ARFGEF3: variants seen among roughly 807,000 people sequenced by gnomAD.
ARFGEF3 encodes ARFGEF family member 3.
In ARFGEF3, 96 loss-of-function variants were observed where a neutral mutation model predicts 221.7. That is an observed-to-expected ratio of 0.43 (90% CI 0.37 to 0.51). The LOEUF (loss-of-function observed/expected upper bound fraction) is 0.51. ARFGEF3 is among the 20% of genes least tolerant of loss of function. The pLI is 0.00. For missense variants in ARFGEF3, 2,410 were observed against 2,789.9 expected (o/e 0.86, Z 3.07); for synonymous variants, 1,145 against 1,126.8 (o/e 1.02, Z -0.32).
intron 9 of ARFGEF3, 93 bp from the exon 10 acceptor site, chr6:138,255,343 C>A: frequency 1.1e-6 from 1 of 905,926 alleles, no homozygotes; most frequent in Non-Finnish European, 1.7e-6. Flanking sequence ...AAGAGCCGCA[C>A]TCTTGTCATT....
intron 20 of ARFGEF3, 56 bp downstream of exon 20, chr6:138,294,182 G>A (rs1779466081): frequency 1.9e-6 from 3 of 1,575,044 alleles, no homozygotes; most frequent in South Asian, 1.1e-5. Flanking sequence ...AACAGCCCAG[G>A]CCTCTATCAC....
At chr6:138,204,205 G>C (rs1436639420) in intron 2 of ARFGEF3, among the ~76,000 whole-genome samples, 1 of 151,750 alleles carries the variant, frequency 6.6e-6, no homozygotes, top group East Asian at 2.0e-4. Flanking sequence ...TGGGCATGGT[G>C]GTGGGCACCT....
chr6:138,262,052 A>T (rs541006751), intron 11 of ARFGEF3, among the ~76,000 whole-genome samples: 47 of 152,306 alleles, frequency 3.1e-4, no homozygotes, highest in African/African-American at 1.1e-3. Context: ...AACCATTATA[A>T]CTATTTTCTA....
In ARFGEF3 at chr6:138,278,440, G is replaced by T. The variant is rs750074554; in HGVS notation, c.2129-11G>T. ...TCACACCCCCAAAAGTCCCTTCATT[G>T]TCTCCCTTAGGCATGATGCACTCTC... On this transcript the variant is annotated splice_polypyrimidine_tract_variant and intron_variant, in intron 12 of 33. Transcript: ENST00000251691. 1.2e-6 allele frequency: 2 copies of T among 1,612,686 alleles called. No homozygotes were observed. The highest frequency in any genetic ancestry group is 1.7e-5 in the Admixed American group (1 of 59,930).
At chr6:138,262,570 T>G in intron 11 of ARFGEF3, 131 bp from the exon 12 acceptor site, 1 of 888,312 alleles carries the variant, frequency 1.1e-6, no homozygotes, top group Non-Finnish European at 1.7e-6. Flanking sequence ...CCCAGACCAT[T>G]TTGTTTTATT....
At chr6:138,224,302 A>T (rs911378014) in intron 4 of ARFGEF3, among the ~76,000 whole-genome samples, 1 of 152,178 alleles carries the variant, frequency 6.6e-6, no homozygotes, top group African/African-American at 2.4e-5. Context: ...ACTAGAGATG[A>T]TTTTCTCCCC....
intron 5 of ARFGEF3, among the ~76,000 whole-genome samples, chr6:138,231,315 AAAC>A (rs1397069491): frequency 1.3e-5 from 2 of 152,180 alleles, no homozygotes; most frequent in East Asian, 1.9e-4. Context: ...AGGAAAGGAA[AAAC>A]AACAACAACA....
chr6:138,212,234 A>G (rs1237272917), intron 4 of ARFGEF3, among the ~76,000 whole-genome samples: 1 of 152,234 alleles, frequency 6.6e-6, no homozygotes, highest in Non-Finnish European at 1.5e-5. Flanking sequence ...ACATTTTTCA[A>G]GAATATATTG....
chr6:138,277,089 T>C (rs372200933), intron 12 of ARFGEF3, among the ~76,000 whole-genome samples: 5 of 152,258 alleles, frequency 3.3e-5, no homozygotes, highest in East Asian at 3.8e-4. Context: ...ATTCACAGTG[T>C]TGTGCAAGCA....
At chr6:138,328,223 G>T (rs1445987865) in intron 32 of ARFGEF3, 81 bp downstream of exon 32, 1 of 1,426,486 alleles carries the variant, frequency 7.0e-7, no homozygotes, top group Non-Finnish European at 9.3e-7. Context: ...ATTGTAATCT[G>T]AGCTTTGGCC....
At chr6:138,221,863 C>G (rs555412060) in intron 4 of ARFGEF3, among the ~76,000 whole-genome samples, 1 of 152,302 alleles carries the variant, frequency 6.6e-6, no homozygotes, top group South Asian at 2.1e-4. Flanking sequence ...CTAGCAAAAT[C>G]TGTTGACTAA....
chr6:138,194,490 T>C (rs1161458787), intron 2 of ARFGEF3, among the ~76,000 whole-genome samples: 1 of 152,138 alleles, frequency 6.6e-6, no homozygotes, highest in Non-Finnish European at 1.5e-5. Context: ...AGTAACAAAA[T>C]GCATGTGTTC....
At chr6:138,177,233 C>T (rs2114442032) in intron 2 of ARFGEF3, among the ~76,000 whole-genome samples, 1 of 151,994 alleles carries the variant, frequency 6.6e-6, no homozygotes, top group Middle Eastern at 3.4e-3. Flanking sequence ...GGACTACAGG[C>T]ATATGTCACC....
chr6:138,232,187 A>G (rs1376429590), intron 5 of ARFGEF3, among the ~76,000 whole-genome samples: 1 of 152,202 alleles, frequency 6.6e-6, no homozygotes, highest in Non-Finnish European at 1.5e-5. Context: ...CTGTGGGAGC[A>G]GAAATTGCCA....
chr6:138,308,617 A>T (rs1779769591), intron 23 of ARFGEF3, 122 bp from the exon 24 acceptor site: 13 of 1,088,264 alleles, frequency 1.2e-5, no homozygotes, highest in Non-Finnish European at 1.6e-5. Context: ...AAACCCAGGC[A>T]TCTCCCCAGT....
At chr6:138,299,607 A>AG in intron 22 of ARFGEF3, among the ~76,000 whole-genome samples, 1 of 152,246 alleles carries the variant, frequency 6.6e-6, no homozygotes, top group East Asian at 1.9e-4. Flanking sequence ...CCCAAAACTG[A>AG]GTGCCAATGG....
intron 4 of ARFGEF3, among the ~76,000 whole-genome samples, chr6:138,213,274 C>T (rs1396929921): frequency 8.0e-5 from 11 of 137,294 alleles, no homozygotes; most frequent in African/African-American, 2.3e-4. Flanking sequence ...GGCGACAGAG[C>T]GAGACTCCAT....
chr6:138,193,179 G>A (rs760430350), intron 2 of ARFGEF3, among the ~76,000 whole-genome samples: 5 of 152,178 alleles, frequency 3.3e-5, no homozygotes, highest in South Asian at 2.1e-4. Context: ...GCTGCTCCAC[G>A]AACCCCCTCT....
At position 138,291,708 on chromosome 6, in the gene ARFGEF3, A is replaced by G. The variant is rs1779406885; in HGVS notation, c.3048-25A>G. The stretch of plus-strand genomic sequence containing the variant: ...GCCGGGGTGAGCTGCAGCGCCTAAC[A>G]GCTGCTTGTCTGTGCTCTTTCTAGG... On this transcript the variant is annotated intron_variant, in intron 18 of 33. Transcript: ENST00000251691. This position sits in a 1 kb window ranked among gnomAD's most constrained non-coding sequence, Gnocchi z 4.5. The G allele has an allele frequency of 3.8e-6, 5 of 1,311,686 alleles. No individual in the cohort carries two copies. The highest frequency in any genetic ancestry group is 4.9e-6 in the Non-Finnish European group (5 of 1,022,214). 81.3% of individuals were successfully genotyped at this position (1,311,686 alleles called of 1,614,324 possible). A position where few individuals can be genotyped will look rare whatever the true frequency, so the allele number is the denominator to read the frequency against.
Sources: allele counts gnomAD v4.1 joint callset (sites outside exome capture counted in the v4.1 genomes callset), GRCh38; gene constraint gnomAD v4.1.1; non-coding constraint Gnocchi (gnomAD v3.1); transcripts MANE v1.5; gene names NCBI Gene and HGNC (gene_info 2026-07-23, HGNC 2026-07-21).